KLHL12: variants seen among roughly 807,000 people sequenced by gnomAD.
The protein encoded by KLHL12 is kelch-like protein 12.
In KLHL12, 17 loss-of-function variants were observed where a neutral mutation model predicts 60.8. The observed-to-expected ratio is 0.28, with a 90% CI of 0.19 to 0.42. KLHL12 has a LOEUF of 0.42. KLHL12 is among the 10% of genes least tolerant of loss of function. The pLI, the probability that KLHL12 is intolerant of heterozygous loss-of-function variation, is 1.00. For missense variants in KLHL12, 468 were observed against 722.3 expected (o/e 0.65, Z 4.04); for synonymous variants, 220 against 250.9 (o/e 0.88, Z 1.16).
chr1:202,921,942 T>C lies in KLHL12; in HGVS notation c.196-2034A>G, dbSNP rs542644663. 2.6e-5 allele frequency among the ~76,000 whole-genome samples: 4 copies of C among 152,318 alleles called. No homozygotes were observed. The East Asian group carries it at 7.7e-4, about 29-fold the overall frequency. ...CACTAAAAAAGTCACTAGCACATTA[T>C]TTTGAAAAAACATATTAGGTTTTAT... On this transcript the variant is annotated intron_variant, in intron 2 of 11. Transcript: ENST00000367261.
At chr1:202,926,113 A>C (rs187374297) in intron 1 of KLHL12, among the ~76,000 whole-genome samples, 1 of 151,892 alleles carries the variant, frequency 6.6e-6, no homozygotes, top group East Asian at 1.9e-4. Flanking sequence ...TCAAAAAAAA[A>C]AAAAAAAAAA....
At chr1:202,916,975 G>A (rs12739674) in intron 4 of KLHL12, among the ~76,000 whole-genome samples, 80 of 141,220 alleles carry the variant, frequency 5.7e-4, no homozygotes, top group Non-Finnish European at 6.0e-4. Context: ...CATCTCAGAA[G>A]AAAAAAAAAA....
chr1:202,903,624 C>CTTTTCTTTTTTTTTTTTTTTTTTTTTTTT (rs1660087180), intron 6 of KLHL12, among the ~76,000 whole-genome samples: 1 of 24,482 alleles, frequency 4.1e-5, no homozygotes, highest in African/African-American at 9.8e-5. Flanking sequence ...TAATTTTTTT[C>CTTTTCTTTTTTTTTTTTTTTTTTTTTTTT]TTTTCTTTTT....
At chr1:202,924,531 A>T (rs940186160) in intron 2 of KLHL12, among the ~76,000 whole-genome samples, 1 of 152,202 alleles carries the variant, frequency 6.6e-6, no homozygotes, top group South Asian at 2.1e-4. Context: ...AGGCCAAGGC[A>T]GGAGGATTGC....
chr1:202,917,705 T>C (rs1261607246), intron 4 of KLHL12, among the ~76,000 whole-genome samples: 1 of 152,258 alleles, frequency 6.6e-6, no homozygotes, highest in Non-Finnish European at 1.5e-5. Context: ...AGGCTCACTA[T>C]TCTCATGATC....
intron 1 of KLHL12, among the ~76,000 whole-genome samples, chr1:202,926,523 G>T (rs1311053580): frequency 6.6e-6 from 1 of 152,150 alleles, no homozygotes; most frequent in African/African-American, 2.4e-5. Flanking sequence ...AAAGACTTAA[G>T]TCAACTTAGT....
rs1660280276 is a variant in KLHL12, at chr1:202,909,067, G to GA, written c.774dup (p.His259SerfsTer5). The GA allele has an allele frequency of 6.2e-7, 1 of 1,613,938 alleles. No individual in the cohort carries two copies. Among genetic ancestry groups the GA allele is most frequent in the Non-Finnish European group, 8.5e-7 (1 of 1,179,976 alleles). ...TGACTCCGAAGTTCAGGCCTCAGAT[G>GA]AAACTTCTTTGCTTCATCAACCAGA... is the stretch of plus-strand genomic sequence containing the variant. On this transcript the variant is annotated frameshift_variant, in exon 6 of 12. Coordinates refer to ENST00000367261, the MANE Select transcript of KLHL12 (RefSeq NM_021633.4). LOFTEE classifies it high-confidence loss of function. This position sits in a 1 kb window ranked among gnomAD's most constrained non-coding sequence, Gnocchi z 4.1.
chr1:202,915,689 G>C (rs1660502164), intron 4 of KLHL12, among the ~76,000 whole-genome samples: 1 of 152,202 alleles, frequency 6.6e-6, no homozygotes, highest in African/African-American at 2.4e-5. Flanking sequence ...AGAGACTCTG[G>C]AGCCAGACTA....
In KLHL12 at chr1:202,895,745, A is replaced by C; in HGVS notation, c.940-28T>G. The C allele has an allele frequency of 6.3e-7, 1 of 1,597,844 alleles. No homozygotes were observed. The highest frequency in any genetic ancestry group is 8.6e-7 in the Non-Finnish European group (1 of 1,168,348). ...ATGGATTTGGAGAGAAGAGGTACAG[A>C]GCATTTCAGTTAGGCAAGTTTTGGG... is the stretch of plus-strand genomic sequence containing the variant. On this transcript the variant is annotated intron_variant, in intron 7 of 11. Transcript: ENST00000367261. The surrounding 1 kb of genome is among the most constrained non-coding windows in gnomAD (Gnocchi z 4.2).
chr1:202,912,012 G>A, intron 4 of KLHL12: 2 of 788,996 alleles, frequency 2.5e-6, no homozygotes, highest in Non-Finnish European at 4.5e-6. Flanking sequence ...CCATTGTGGA[G>A]GAGGTGGATG....
In KLHL12 at chr1:202,895,958, A is replaced by G. The variant is rs976135129; in HGVS notation, c.940-241T>C. On this transcript the variant is annotated intron_variant, in intron 7 of 11. Coordinates refer to ENST00000367261, the MANE Select transcript of KLHL12 (RefSeq NM_021633.4). The surrounding 1 kb of genome is among the most constrained non-coding windows in gnomAD (Gnocchi z 4.2). ...ATCTCTGCCTCTTTCCAAGGCTTCC[A>G]AAAGATTTAACAGCTTTCTGTTATC... 6.6e-6 allele frequency among the ~76,000 whole-genome samples: 1 copy of G among 152,176 alleles called. No homozygotes were observed. The highest frequency in any genetic ancestry group is 1.5e-5 in the Non-Finnish European group (1 of 68,038).
At chr1:202,925,247 A>G in intron 1 of KLHL12, 40 bp from the exon 2 acceptor site, 2 of 1,573,972 alleles carry the variant, frequency 1.3e-6, no homozygotes, top group Non-Finnish European at 8.6e-7. Context: ...TATTCAAAGA[A>G]CTAGGGCAAC....
At position 202,895,060 on chromosome 1, in the gene KLHL12, A is replaced by T. The variant is rs965703642; in HGVS notation, c.1136-311T>A. ...AATAATGAAACATCCATGAATATTGAACAGCTTCTATTACACTGATATTTC... is the reference window on the plus strand; with the variant it reads ...AATAATGAAACATCCATGAATATTGTACAGCTTCTATTACACTGATATTTC... On this transcript the variant is annotated intron_variant, in intron 8 of 11. Coordinates refer to ENST00000367261, the MANE Select transcript of KLHL12 (RefSeq NM_021633.4). This position sits in a 1 kb window ranked among gnomAD's most constrained non-coding sequence, Gnocchi z 4.2. Among the ~76,000 whole-genome samples, 1 of 152,176 alleles carries T rather than the reference A, an allele frequency of 6.6e-6. No homozygotes were observed. The highest frequency in any genetic ancestry group is 2.4e-5 in the African/African-American group (1 of 41,446).
At chr1:202,894,444 A>G in intron 9 of KLHL12, 147 bp downstream of exon 9, 1 of 897,606 alleles carries the variant, frequency 1.1e-6, no homozygotes. Context: ...AGAAAAAGAT[A>G]ATCCCAATTA....
In KLHL12 at chr1:202,893,149, A is replaced by C; in HGVS notation, c.1580+90T>G. 9.4e-7 allele frequency: 1 copy of C among 1,064,408 alleles called. No individual in the cohort carries two copies. Among genetic ancestry groups the C allele is most frequent in the African/African-American group, 1.6e-5 (1 of 61,604 alleles). The allele number at this position is 1,064,408 out of a possible 1,614,324, so 65.9% of individuals were successfully genotyped here. On this transcript the variant is annotated intron_variant, in intron 11 of 11. Transcript: ENST00000367261. The surrounding 1 kb of genome is among the most constrained non-coding windows in gnomAD (Gnocchi z 4.1). ...CACTGGAGATGTCTACCCCTACCCA[A>C]GTCTTGTCTCTGTCCAAAAATGAGG...
chr1:202,928,577 C>A, upstream of KLHL12: 1 of 1,275,764 alleles, frequency 7.8e-7, no homozygotes, highest in Non-Finnish European at 1.0e-6. Flanking sequence ...TCGGGCCGAA[C>A]AACGCTGCGG....
chr1:202,913,293 C>T (rs1660419952), intron 4 of KLHL12, among the ~76,000 whole-genome samples: 1 of 152,140 alleles, frequency 6.6e-6, no homozygotes, highest in African/African-American at 2.4e-5. Flanking sequence ...AGACAGACAC[C>T]TGAATAGAGG....
At chr1:202,908,954 C>A in intron 6 of KLHL12, 56 bp downstream of exon 6, 1 of 1,074,616 alleles carries the variant, frequency 9.3e-7, no homozygotes, top group South Asian at 1.3e-5. Flanking sequence ...ACTATGTTGT[C>A]ACCTGCAAGA....
chr1:202,894,621 C>G lies in KLHL12; in HGVS notation c.1264G>C (p.Val422Leu). 1 of 1,614,156 alleles carries G rather than the reference C, an allele frequency of 6.2e-7. No individual in the cohort carries two copies. Among genetic ancestry groups the G allele is most frequent in the Non-Finnish European group, 8.5e-7 (1 of 1,180,030 alleles). The part of the protein sequence containing the change: ...MQTAREGAGL[V>L]VASGVIYCLG... ...CAGTAGATCACTCCACTGGCCACTA[C>G]GAGTCCGGCACCTTCCCGGGCTGTC... Residue 422 changes from valine to leucine, a missense_variant, in exon 9 of 12, where the codon GTA becomes CTA. Val to Leu is a conservative substitution (Grantham distance 32). Around this residue, in one of 4 missense-constraint regions of KLHL12, gnomAD observed 339 missense variants for 525.0 expected, o/e 0.65. Transcript: ENST00000367261.
Sources: gnomAD v4.1 joint callset for allele counts (sites outside exome capture counted in the v4.1 genomes callset) on GRCh38, gnomAD v4.1.1 for gene constraint, gnomAD v4.1.1 regional missense constraint, Gnocchi (gnomAD v3.1) non-coding constraint, MANE v1.5 for transcripts, NCBI Gene and HGNC (gene_info 2026-07-23, HGNC 2026-07-21) for gene names.